Variants in KCNT1 observed in about 807,000 individuals in gnomAD.
KCNT1 encodes the protein potassium channel subfamily T member 1.
Under a neutral mutation model 147.8 loss-of-function variants are expected in KCNT1, and 78 were observed. The ratio of observed to expected loss-of-function variants is 0.53; its 90% CI spans 0.44 to 0.64. The LOEUF is 0.64. KCNT1 is among the 30% of genes least tolerant of loss of function. KCNT1 has a pLI of 0.00. For missense variants in KCNT1, 1,419 were observed against 1,750.3 expected, an observed-to-expected ratio of 0.81 and a Z score of 3.38; for synonymous variants, 867 against 748.8, an observed-to-expected ratio of 1.16 and a Z score of -2.58.
intron 17 of KCNT1, 109 bp downstream of exon 17, chr9:135,770,556 G>A (rs1832682454): frequency 7.3e-7 from 1 of 1,366,446 alleles, no homozygotes; most frequent in African/African-American, 1.5e-5. Context: ...GGGCTGCAGA[G>A]GGCTCGGGGG....
In KCNT1 at chr9:135,768,702, G is replaced by A. The variant is rs35127932; in HGVS notation, c.1401+29G>A. ...AGTGAGGCTGAGGCCCTGCCCAGGC[G>A]GGAGGGGCACCGTGGGGCCGGGGAG... On this transcript the variant is annotated intron_variant, in intron 14 of 30. Transcript: ENST00000371757. 228,422 of 1,546,412 alleles carry A rather than the reference G, an allele frequency of 0.15. 18,039 individuals are homozygous for A. The highest frequency in any genetic ancestry group is 0.2 in the African/African-American group (14,568 of 72,966).
At chr9:135,775,599 C>T (rs1196145772) in intron 20 of KCNT1, among the ~76,000 whole-genome samples, 184 bp downstream of exon 20, 1 of 152,264 alleles carries the variant, frequency 6.6e-6, no homozygotes, top group Non-Finnish European at 1.5e-5. Flanking sequence ...ACGGTCCCTT[C>T]CTGTCCCGTT....
chr9:135,783,121 G>A lies in KCNT1; in HGVS notation c.2842-903G>A, dbSNP rs568133588. ...GGGGCCCTCCGCTGAAGAATGACCC[G>A]AGAGTTGGCCACGGCCGGGTCCGGA... On this transcript the variant is annotated intron_variant, in intron 24 of 30. Transcript: ENST00000371757. 3.9e-5 allele frequency among the ~76,000 whole-genome samples: 6 copies of A among 152,368 alleles called. No individual in the cohort carries two copies. The South Asian group carries it at 6.2e-4, about 16-fold the overall frequency.
rs575531521 is a variant in KCNT1, at chr9:135,744,087, G to A, written c.255-6011G>A. ...AGCCACTGCCAGAGAGAGGCAGCTC[G>A]GACCTCGGCCCCATGTGAGTGCAGG... On this transcript the variant is annotated intron_variant, in intron 2 of 30. Coordinates refer to ENST00000371757, the MANE Select transcript of KCNT1 (RefSeq NM_020822.3). 2.1e-3 allele frequency among the ~76,000 whole-genome samples: 316 copies of A among 152,366 alleles called. 2 individuals carry two copies. The highest frequency in any genetic ancestry group is 7.3e-3 in the African/African-American group (303 of 41,588).
intron 13 of KCNT1, 186 bp from the exon 14 acceptor site, chr9:135,768,424 C>T: frequency 3.5e-6 from 2 of 566,864 alleles, no homozygotes; most frequent in South Asian, 2.3e-5. Context: ...GGGCCTCCTC[C>T]CGCCTTCCAT....
intron 2 of KCNT1, among the ~76,000 whole-genome samples, chr9:135,731,307 T>C (rs1836422019): frequency 6.6e-6 from 1 of 152,188 alleles, no homozygotes; most frequent in African/African-American, 2.4e-5. Flanking sequence ...TCGCCTGGCG[T>C]GTCTTCATTT....
chr9:135,750,256 G>A, intron 3 of KCNT1, 79 bp downstream of exon 3: 1 of 1,203,694 alleles, frequency 8.3e-7, no homozygotes. Context: ...GATGGCGAAG[G>A]CTGGGGCTGT....
At chr9:135,771,797 CAGTT>C (rs1832779680) in intron 18 of KCNT1, among the ~76,000 whole-genome samples, 1 of 152,164 alleles carries the variant, frequency 6.6e-6, no homozygotes, top group African/African-American at 2.4e-5. Flanking sequence ...TCCTGGGGGA[CAGTT>C]AGGGAGCAGG....
At chr9:135,740,262 G>A (rs369288033) in intron 2 of KCNT1, among the ~76,000 whole-genome samples, 11 of 152,302 alleles carry the variant, frequency 7.2e-5, no homozygotes, top group African/African-American at 2.6e-4. Flanking sequence ...GAGATAAGGG[G>A]GTGCCTTTGT....
At chr9:135,741,220 C>T (rs1449716464) in intron 2 of KCNT1, among the ~76,000 whole-genome samples, 2 of 152,218 alleles carry the variant, frequency 1.3e-5, no homozygotes, top group Non-Finnish European at 2.9e-5. Context: ...GCCCCATGCG[C>T]AGCTCAGTAG....
At chr9:135,726,441 C>T in intron 2 of KCNT1, among the ~76,000 whole-genome samples, 1 of 152,088 alleles carries the variant, frequency 6.6e-6, no homozygotes, top group Non-Finnish European at 1.5e-5. Flanking sequence ...GCTTCTGTGG[C>T]TCGCCATGTG....
chr9:135,779,252 CATGGGACCCCGCCCTGAGA>C, intron 23 of KCNT1, 88 bp from the exon 24 acceptor site: 1 of 689,934 alleles, frequency 1.4e-6, no homozygotes, highest in Non-Finnish European at 2.5e-6. Context: ...CCCCCACAGC[CATGGGACCCCGCCCTGAGA>C]CCCCCACAGC....
intron 29 of KCNT1, chr9:135,790,363 G>A (rs1353680807): frequency 1.3e-5 from 2 of 152,320 alleles, no homozygotes; most frequent in African/African-American, 2.4e-5. Flanking sequence ...CAAAGGCCTG[G>A]GGAAGACCCC....
At chr9:135,720,541 T>A (rs539296) in intron 2 of KCNT1, among the ~76,000 whole-genome samples, 64,818 of 149,994 alleles carry the variant, frequency 0.43, 14,020 homozygotes, top group East Asian at 0.6. Context: ...CCCACCCCCA[T>A]CATCCTGCCC....
At chr9:135,735,043 C>T (rs1256395865) in intron 2 of KCNT1, among the ~76,000 whole-genome samples, 1 of 152,198 alleles carries the variant, frequency 6.6e-6, no homozygotes, top group Non-Finnish European at 1.5e-5. Context: ...GGGCACTCCA[C>T]AGGAGGGTTG....
At chr9:135,726,911 CTCTCT>C (rs1168180449) in intron 2 of KCNT1, among the ~76,000 whole-genome samples, 1 of 133,334 alleles carries the variant, frequency 7.5e-6, no homozygotes, top group African/African-American at 2.8e-5. Flanking sequence ...CCCATTCTCT[CTCTCT>C]CCCTCTCTCT....
chr9:135,771,912 C>A (rs1296327060), intron 18 of KCNT1, among the ~76,000 whole-genome samples: 1 of 152,240 alleles, frequency 6.6e-6, no homozygotes, highest in Non-Finnish European at 1.5e-5. Flanking sequence ...ATGGGGCACC[C>A]CAGCACGCCC....
At chr9:135,718,465 T>G (rs1361778900) in intron 2 of KCNT1, among the ~76,000 whole-genome samples, 1 of 152,134 alleles carries the variant, frequency 6.6e-6, no homozygotes, top group East Asian at 1.9e-4. Flanking sequence ...GAAGGGCTGG[T>G]GTGCCCGGAC....
chr9:135,756,856 C>T lies in KCNT1; in HGVS notation c.541-17C>T, dbSNP rs1831513502. 6.8e-6 allele frequency: 11 copies of T among 1,612,068 alleles called. No homozygotes were observed. The highest frequency in any genetic ancestry group is 1.3e-5 in the African/African-American group (1 of 74,802). ...CCCCGGCCTGCTCCAGAGCTCCTTC[C>T]CTTTCCTGACTCCCAGGTCATCGTG... On this transcript the variant is annotated splice_polypyrimidine_tract_variant and intron_variant, in intron 6 of 30. Coordinates refer to ENST00000371757, the MANE Select transcript of KCNT1 (RefSeq NM_020822.3).
Sources: allele counts gnomAD v4.1 joint callset (sites outside exome capture counted in the v4.1 genomes callset), GRCh38; gene constraint gnomAD v4.1.1; transcripts MANE v1.5; gene names NCBI Gene and HGNC (gene_info 2026-07-23, HGNC 2026-07-21).